The following PIGF variants were observed in gnomAD, a reference collection of about 807,000 sequenced individuals.
PIGF encodes the protein GPI ethanolamine phosphate transferase, stabilizing subunit.
PIGF carries 23 observed loss-of-function variants against 26.0 expected under a neutral mutation model. The ratio of observed to expected loss-of-function variants is 0.88; its 90% CI spans 0.64 to 1.25. The LOEUF is 1.25. Among genes scored for constraint, PIGF ranks in the 50% most tolerant of loss-of-function variants. PIGF has a pLI of 0.00. For synonymous variants in PIGF, 93 were observed against 92.6 expected (o/e 1.00, Z -0.03); for missense variants, 278 against 249.9 (o/e 1.11, Z -0.76).
rs576791428 is a variant in PIGF, at chr2:46,583,274, C to T, written c.547-1683G>A. ...CAGATTAGGAATTTGTCTACACAAA[C>T]TGGTGTCACCTGTTTCTTGACTGGG... On this transcript the variant is annotated intron_variant, in intron 5 of 5. Coordinates refer to ENST00000281382, the MANE Select transcript of PIGF (RefSeq NM_002643.4). Among the ~76,000 whole-genome samples, 231 of 152,256 alleles carry T rather than the reference C, an allele frequency of 1.5e-3. No individual in the cohort carries two copies. In the Middle Eastern group the frequency reaches 0.02, roughly 13 times the overall value.
At chr2:46,608,446 A>C (rs1670292944) in intron 4 of PIGF, among the ~76,000 whole-genome samples, 1 of 152,250 alleles carries the variant, frequency 6.6e-6, no homozygotes. Context: ...GAATGGAATC[A>C]GCTTCTCGTC....
intron 5 of PIGF, chr2:46,583,066 C>G (rs1669454469): frequency 6.6e-6 from 1 of 152,070 alleles, no homozygotes; most frequent in Admixed American, 6.5e-5. Context: ...GCTGAGTTGT[C>G]CAACACATGG....
chr2:46,592,618 T>G, intron 4 of PIGF, 35 bp from the exon 5 acceptor site: 8 of 1,015,596 alleles, frequency 7.9e-6, no homozygotes, highest in Non-Finnish European at 1.1e-5. Flanking sequence ...GTTGGTGGTA[T>G]ATACATGAGC....
chr2:46,583,937 C>G (rs1572764956), intron 5 of PIGF, among the ~76,000 whole-genome samples: 1 of 152,106 alleles, frequency 6.6e-6, no homozygotes, highest in African/African-American at 2.4e-5. Flanking sequence ...TAGGGGCTCC[C>G]TGAAATTTTA....
At chr2:46,596,519 T>C (rs1457698135) in intron 4 of PIGF, among the ~76,000 whole-genome samples, 1 of 152,134 alleles carries the variant, frequency 6.6e-6, no homozygotes, top group African/African-American at 2.4e-5. Context: ...CAAAATAATA[T>C]ATGTGACATC....
intron 4 of PIGF, among the ~76,000 whole-genome samples, chr2:46,604,945 T>C (rs1424514917): frequency 6.6e-6 from 1 of 152,050 alleles, no homozygotes; most frequent in African/African-American, 2.4e-5. Flanking sequence ...TGTGTGTCTG[T>C]ATCAAAATAT....
At chr2:46,602,715 C>T (rs1157835399) in intron 4 of PIGF, among the ~76,000 whole-genome samples, 2 of 151,854 alleles carry the variant, frequency 1.3e-5, no homozygotes, top group African/African-American at 4.8e-5. Flanking sequence ...AGAACTACAG[C>T]ATAAGAACTT....
intron 4 of PIGF, among the ~76,000 whole-genome samples, chr2:46,592,788 T>C (rs183695930): frequency 2.0e-5 from 3 of 152,328 alleles, no homozygotes; most frequent in South Asian, 2.1e-4. Context: ...AAAGGTAATA[T>C]ACAGACGCAC....
At chr2:46,593,201 C>T (rs907768399) in intron 4 of PIGF, among the ~76,000 whole-genome samples, 2 of 148,826 alleles carry the variant, frequency 1.3e-5, no homozygotes, top group Non-Finnish European at 3.0e-5. Flanking sequence ...GGAGCGATCT[C>T]GGCTCACTGC....
Position 46,594,558 on chromosome 2 carries a change from G to A in PIGF, c.438-1975C>T, listed in dbSNP as rs1219737482. Among the ~76,000 whole-genome samples, 7 of 150,462 alleles carry A rather than the reference G, an allele frequency of 4.7e-5. No homozygotes were observed. In the South Asian group the frequency reaches 6.3e-4, roughly 14 times the overall value. ...AGGATTTTTTTTTTTTTTTTGAGAC[G>A]GAGTTTCGCTGTTGTTGCCCAGGCT... On this transcript the variant is annotated intron_variant, in intron 4 of 5. Transcript: ENST00000281382.
intron 5 of PIGF, among the ~76,000 whole-genome samples, chr2:46,587,236 T>C (rs1446611222): frequency 1.3e-5 from 2 of 152,188 alleles, no homozygotes; most frequent in African/African-American, 4.8e-5. Flanking sequence ...GAAATACCAA[T>C]TAACGTAAAA....
In PIGF at chr2:46,616,996, G is replaced by C; in HGVS notation, c.-48C>G. 1.8e-6 allele frequency: 1 copy of C among 553,206 alleles called. No homozygotes were observed. The highest frequency in any genetic ancestry group is 2.1e-5 in the South Asian group (1 of 48,458). 34.3% of individuals were successfully genotyped at this position (553,206 alleles called of 1,614,324 possible). ...TAACTCTCCCTCCCGCGGAAGGGAAGCGGGGAACTACTGCCTCCTACCATC... is the reference window on the plus strand; with the variant it reads ...TAACTCTCCCTCCCGCGGAAGGGAACCGGGGAACTACTGCCTCCTACCATC... On this transcript the variant is annotated 5_prime_UTR_variant, in exon 1 of 6. Coordinates refer to ENST00000281382, the MANE Select transcript of PIGF (RefSeq NM_002643.4).
rs951476766 is a variant in PIGF, at chr2:46,589,471, CAT to C, written c.546+3002_546+3003del. ...CAAAGTAAAGAAAACTGAATTAAAA[CAT>C]GTAGTAGATTTTGTGGGGTTTTGTG... On this transcript the variant is annotated intron_variant, in intron 5 of 5. Transcript: ENST00000281382. This position sits in a 1 kb window ranked among gnomAD's most constrained non-coding sequence, Gnocchi z 4.7. Among the ~76,000 whole-genome samples the C allele has an allele frequency of 3.3e-5, 5 of 151,876 alleles. No individual in the cohort carries two copies. Among genetic ancestry groups the C allele is most frequent in the African/African-American group, 1.2e-4 (5 of 41,456 alleles).
intron 4 of PIGF, among the ~76,000 whole-genome samples, chr2:46,609,662 G>C (rs768766136): frequency 2.0e-5 from 3 of 151,190 alleles, no homozygotes; most frequent in Non-Finnish European, 4.4e-5. Flanking sequence ...GCCTAAATTT[G>C]ATATTTTTGT....
chr2:46,613,194 T>A (rs1670483297), intron 3 of PIGF, among the ~76,000 whole-genome samples: 1 of 152,036 alleles, frequency 6.6e-6, no homozygotes, highest in Admixed American at 6.6e-5. Context: ...TAAGAAACAT[T>A]CATGAATTTT....
intron 4 of PIGF, among the ~76,000 whole-genome samples, chr2:46,594,064 T>A (rs762203426): frequency 6.6e-6 from 1 of 152,238 alleles, no homozygotes; most frequent in Non-Finnish European, 1.5e-5. Flanking sequence ...TTATTTCATG[T>A]AACACCTATA....
At chr2:46,584,934 T>G (rs888140882) in intron 5 of PIGF, among the ~76,000 whole-genome samples, 9 of 152,216 alleles carry the variant, frequency 5.9e-5, no homozygotes, top group African/African-American at 2.2e-4. Flanking sequence ...ATTTTTAAAC[T>G]ACACTATGGC....
intron 4 of PIGF, among the ~76,000 whole-genome samples, chr2:46,597,453 T>G (rs747383846): frequency 2.2e-4 from 34 of 151,630 alleles, no homozygotes; most frequent in Non-Finnish European, 4.6e-4. Flanking sequence ...CACTTTGTCA[T>G]CCAGGCTGGA....
chr2:46,592,432 T>C, intron 5 of PIGF, 43 bp downstream of exon 5: 1 of 986,872 alleles, frequency 1.0e-6, no homozygotes, highest in Non-Finnish European at 1.6e-6. Flanking sequence ...TTACTATCAT[T>C]GTACAAACAT....
Sources: gnomAD v4.1 joint callset for allele counts (sites outside exome capture counted in the v4.1 genomes callset) on GRCh38, gnomAD v4.1.1 for gene constraint, Gnocchi (gnomAD v3.1) non-coding constraint, MANE v1.5 for transcripts, NCBI Gene and HGNC (gene_info 2026-07-23, HGNC 2026-07-21) for gene names.